Variants in TCP11L2 observed in about 807,000 individuals in gnomAD.
The protein encoded by TCP11L2 is t-complex 11 like 2.
TCP11L2 carries 39 observed loss-of-function variants against 50.7 expected under a neutral mutation model. The ratio of observed to expected loss-of-function variants is 0.77; its 90% CI spans 0.60 to 1.01. The LOEUF (loss-of-function observed/expected upper bound fraction) is 1.01, where lower values mean the gene tolerates loss of function less well. TCP11L2 is among the 50% of genes least tolerant of loss of function. The probability of loss-of-function intolerance (pLI) is 0.00; values close to 1 mark genes in which losing one functional copy is unlikely to be tolerated. For synonymous variants in TCP11L2, 192 were observed against 219.3 expected (o/e 0.88, Z 1.10); for missense variants, 612 against 614.7 (o/e 1.00, Z 0.05).
At chr12:106,340,791 C>T (rs2036070486) in intron 8 of TCP11L2, 35 bp from the exon 9 acceptor site, 1 of 1,538,870 alleles carries the variant, frequency 6.5e-7, no homozygotes, top group South Asian at 1.3e-5. Context: ...TGAACAAAAA[C>T]TTTCCCTGGT....
chr12:106,335,735 C>T lies in TCP11L2; in HGVS notation c.869C>T (p.Thr290Ile), dbSNP rs1353061233. 1.2e-6 allele frequency: 2 copies of T among 1,614,156 alleles called. No individual in the cohort carries two copies. Among genetic ancestry groups the T allele is most frequent in the Admixed American group, 1.7e-5 (1 of 60,032 alleles). The change falls in exon 7 of 10, where the codon ACC (threonine) becomes ATC (isoleucine). Residue 290 changes from threonine (T) to isoleucine (I), a missense_variant. By Grantham distance (89) the Thr-to-Ile change is moderately conservative. Transcript: ENST00000299045. ...GCTTTAACTCCTGGGGCCGAAAATA[C>T]CTCCAAGCCAAGCCTGAGCCCTACT... is the stretch of plus-strand genomic sequence containing the variant. ...ESALTPGAENTSKPSLSPTLV... is the reference protein window; with the variant it reads ...ESALTPGAENISKPSLSPTLV...
chr12:106,322,641 T>C (rs1489265316), intron 5 of TCP11L2, among the ~76,000 whole-genome samples: 1 of 152,212 alleles, frequency 6.6e-6, no homozygotes, highest in Non-Finnish European at 1.5e-5. Context: ...AGCAGAGTTT[T>C]CTTTTTTGTG....
At chr12:106,310,208 G>A (rs901459873) in intron 1 of TCP11L2, among the ~76,000 whole-genome samples, 15 of 152,120 alleles carry the variant, frequency 9.9e-5, no homozygotes, top group African/African-American at 3.6e-4. Flanking sequence ...AGACACCAAG[G>A]GACTGGTTTT....
chr12:106,314,075 A>C (rs2034970856), intron 2 of TCP11L2, among the ~76,000 whole-genome samples: 1 of 152,128 alleles, frequency 6.6e-6, no homozygotes, highest in South Asian at 2.1e-4. Context: ...CTGGTAATTT[A>C]ATTTTTAAAA....
chr12:106,327,679 A>C (rs1167276859), intron 6 of TCP11L2, among the ~76,000 whole-genome samples: 1 of 152,202 alleles, frequency 6.6e-6, no homozygotes, highest in Admixed American at 6.5e-5. Flanking sequence ...CACTCTGCCA[A>C]AAGTCAGCCC....
At chr12:106,323,285 TAA>T (rs1009596663) in intron 5 of TCP11L2, among the ~76,000 whole-genome samples, 8 of 152,192 alleles carry the variant, frequency 5.3e-5, no homozygotes, top group African/African-American at 9.6e-5. Flanking sequence ...CTTATATCAT[TAA>T]GATTGTTTAT....
At chr12:106,300,666 T>C (rs1189750420), upstream of TCP11L2, among the ~76,000 whole-genome samples, 1 of 152,148 alleles carries the variant, frequency 6.6e-6, no homozygotes. Flanking sequence ...CCAAGGGCAG[T>C]TGGTCAGGTA....
At position 106,305,660 on chromosome 12, in the gene TCP11L2, C is replaced by T. The variant is rs537747187; in HGVS notation, c.-36+2719C>T. 1.2e-4 allele frequency among the ~76,000 whole-genome samples: 19 copies of T among 152,318 alleles called. 1 individual carries two copies. The highest frequency in any genetic ancestry group is 3.3e-4 in the Admixed American group (5 of 15,304). On this transcript the variant is annotated intron_variant, in intron 1 of 9. Coordinates refer to ENST00000299045, the MANE Select transcript of TCP11L2 (RefSeq NM_152772.3). Reference sequence around the variant, plus strand: ...CACTGAGCTCCTGCTCTAGCCCTAGCGGTGTTCTAAGCTCTAGCTGGCTCA... The same window carrying T: ...CACTGAGCTCCTGCTCTAGCCCTAGTGGTGTTCTAAGCTCTAGCTGGCTCA...
chr12:106,323,479 C>A (rs763026516), intron 5 of TCP11L2, 31 bp from the exon 6 acceptor site: 3 of 1,520,396 alleles, frequency 2.0e-6, no homozygotes, highest in Non-Finnish European at 2.7e-6. Context: ...ACTTCTTAAT[C>A]ATCTCTCTAT....
chr12:106,332,018 G>A (rs945004108), intron 6 of TCP11L2, among the ~76,000 whole-genome samples: 1 of 152,170 alleles, frequency 6.6e-6, no homozygotes, highest in Non-Finnish European at 1.5e-5. Context: ...AGGAATAAAT[G>A]TAAAAGACTT....
intron 9 of TCP11L2, among the ~76,000 whole-genome samples, chr12:106,341,311 G>A (rs1056929248): frequency 3.7e-4 from 57 of 152,218 alleles, no homozygotes; most frequent in African/African-American, 1.3e-3. Context: ...CTGGCAGTAT[G>A]TTCACAGATA....
intron 6 of TCP11L2, chr12:106,329,380 CAG>C (rs1307887465): frequency 2.6e-6 from 4 of 1,536,040 alleles, no homozygotes; most frequent in Non-Finnish European, 2.6e-6. Context: ...CTTTTGGAAC[CAG>C]AGAGAGCAGT....
At chr12:106,328,896 T>C (rs1445701221) in intron 6 of TCP11L2, among the ~76,000 whole-genome samples, 3 of 152,132 alleles carry the variant, frequency 2.0e-5, no homozygotes, top group South Asian at 2.1e-4. Context: ...CTGAACACTC[T>C]CACCACTCAG....
At chr12:106,313,820 C>T (rs560633842) in intron 2 of TCP11L2, among the ~76,000 whole-genome samples, 6 of 137,514 alleles carry the variant, frequency 4.4e-5, no homozygotes, top group South Asian at 2.3e-4. Context: ...GGCTGGAGTG[C>T]AGTGGCACGA....
chr12:106,319,445 C>T (rs1346000761), intron 4 of TCP11L2, among the ~76,000 whole-genome samples: 2 of 152,208 alleles, frequency 1.3e-5, no homozygotes, highest in Non-Finnish European at 2.9e-5. Flanking sequence ...ATCAAGTTCA[C>T]TGGCAGAGTT....
At chr12:106,302,550 G>A (rs1404217939), upstream of TCP11L2, among the ~76,000 whole-genome samples, 1 of 151,318 alleles carries the variant, frequency 6.6e-6, no homozygotes, top group Non-Finnish European at 1.5e-5. Flanking sequence ...ACCACTCGCC[G>A]CGCGGGGGAA....
Position 106,314,971 on chromosome 12 carries a change from A to C in TCP11L2, c.293+478A>C, listed in dbSNP as rs142035302. Among the ~76,000 whole-genome samples the C allele has an allele frequency of 5.5e-5, 8 of 146,562 alleles. 1 individual carries two copies. The highest frequency in any genetic ancestry group is 2.0e-4 in the African/African-American group (8 of 39,042). ...CAGTGAGCTCTCATCATGCCACTAC[A>C]CTCCAGCCTGGGTGACAGAGCAAGA... On this transcript the variant is annotated intron_variant, in intron 3 of 9. Transcript: ENST00000299045.
In TCP11L2 at chr12:106,321,360, C is replaced by T. The variant is rs571216152; in HGVS notation, c.415-126C>T. On this transcript the variant is annotated intron_variant, in intron 4 of 9. Transcript: ENST00000299045. ...CTCTGATCCACCCATGCAGTCAGTG[C>T]CAACTTCTGTGGCATCTGAGGCACT... 528 of 763,092 alleles carry T rather than the reference C, an allele frequency of 6.9e-4. 1 individual carries two copies. Among genetic ancestry groups the T allele is most frequent in the Middle Eastern group, 4.8e-3 (15 of 3,146 alleles). The allele number at this position is 763,092 out of a possible 1,614,324, so 47.3% of individuals were successfully genotyped here. A position where few individuals can be genotyped will look rare whatever the true frequency, so the allele number is the denominator to read the frequency against.
At chr12:106,307,490 G>C (rs375295014) in intron 1 of TCP11L2, 7 of 152,180 alleles carry the variant, frequency 4.6e-5, no homozygotes, top group African/African-American at 1.7e-4. Flanking sequence ...ATACAGCCTG[G>C]TTTCATTATC....
Sources: allele counts gnomAD v4.1 joint callset (sites outside exome capture counted in the v4.1 genomes callset), GRCh38; gene constraint gnomAD v4.1.1; transcripts MANE v1.5; gene names NCBI Gene and HGNC (gene_info 2026-07-23, HGNC 2026-07-21).